PYHIN1: variants seen among roughly 807,000 people sequenced by gnomAD.
PYHIN1 encodes the protein pyrin and HIN domain-containing protein 1.
Under a neutral mutation model 43.7 loss-of-function variants are expected in PYHIN1, and 32 were observed. The ratio of observed to expected loss-of-function variants is 0.73; its 90% CI spans 0.55 to 0.98. The LOEUF (loss-of-function observed/expected upper bound fraction) is 0.98, where lower values mean the gene tolerates loss of function less well. PYHIN1 is among the 50% of genes least tolerant of loss of function. The pLI is 0.00. For synonymous variants in PYHIN1, 205 were observed against 203.1 expected, an observed-to-expected ratio of 1.01 and a Z score of -0.08; for missense variants, 588 against 589.5, an observed-to-expected ratio of 1.00 and a Z score of 0.03.
chr1:158,937,872 G>A (rs1571720182), intron 2 of PYHIN1, among the ~76,000 whole-genome samples: 1 of 151,646 alleles, frequency 6.6e-6, no homozygotes, highest in African/African-American at 2.4e-5. Context: ...GTGAACCCGA[G>A]AGGCGGAGCT....
At chr1:158,978,338 G>T (rs1315854795), downstream of PYHIN1, among the ~76,000 whole-genome samples, 1 of 151,606 alleles carries the variant, frequency 6.6e-6, no homozygotes, top group East Asian at 1.9e-4. Flanking sequence ...AATTTTGAAG[G>T]ATGTTTTGAA....
chr1:158,961,106 C>G (rs1021063013), intron 7 of PYHIN1, among the ~76,000 whole-genome samples: 15 of 152,114 alleles, frequency 9.9e-5, no homozygotes, highest in African/African-American at 3.6e-4. Flanking sequence ...TTACAGGGTA[C>G]TGGTTTTTAA....
the PYHIN1 span, among the ~76,000 whole-genome samples, chr1:158,985,325 G>T: frequency 9.7e-3 from 1,472 of 152,250 alleles, 25 homozygotes; most frequent in African/African-American, 0.033. Flanking sequence ...CTCCCTGAAG[G>T]ACCTCTTATA....
rs1233497854 is a variant in PYHIN1, at chr1:158,944,876, T to C, written c.1193T>C (p.Ile398Thr). Residue 398 changes from isoleucine (I) to threonine (T), a missense_variant and splice_region_variant, in exon 7 of 9, where the codon ATA (isoleucine) becomes ACA (threonine). Transcript: ENST00000368140. Reference protein sequence around the residue: ...LMSEMHSFIQIQKNTNQRSHD... With the variant: ...LMSEMHSFIQTQKNTNQRSHD... ...AAACAAAAAAATGAATACTTTCAGA[T>C]ACAGAAAAATACAAACCAGAGAAGC... 2.6e-6 allele frequency: 4 copies of C among 1,562,192 alleles called. No individual in the cohort carries two copies. Among genetic ancestry groups the C allele is most frequent in the African/African-American group, 2.8e-5 (2 of 72,336 alleles).
chr1:158,935,708 T>C (rs762210291), intron 1 of PYHIN1, among the ~76,000 whole-genome samples: 19 of 152,048 alleles, frequency 1.2e-4, no homozygotes, highest in Non-Finnish European at 1.9e-4. Flanking sequence ...GTTATTCATA[T>C]AAGGTGGGAG....
intron 8 of PYHIN1, among the ~76,000 whole-genome samples, chr1:158,975,334 C>G (rs1249845541): frequency 6.6e-6 from 1 of 151,968 alleles, no homozygotes; most frequent in Non-Finnish European, 1.5e-5. Flanking sequence ...TGTCATGACT[C>G]TCCTAAATCA....
At chr1:158,990,472 C>A in the PYHIN1 span, among the ~76,000 whole-genome samples, 2 of 151,916 alleles carry the variant, frequency 1.3e-5, no homozygotes, top group Non-Finnish European at 2.9e-5. Flanking sequence ...GTGGTTAAAT[C>A]TCTCTGATTA....
At chr1:158,972,410 T>C (rs1338569730) in intron 7 of PYHIN1, among the ~76,000 whole-genome samples, 1 of 152,022 alleles carries the variant, frequency 6.6e-6, no homozygotes, top group Non-Finnish European at 1.5e-5. Context: ...TTATTAAGTA[T>C]ATAATCAGAG....
intron 7 of PYHIN1, among the ~76,000 whole-genome samples, chr1:158,958,529 T>G (rs955734935): frequency 2.1e-5 from 3 of 144,780 alleles, no homozygotes; most frequent in Non-Finnish European, 4.5e-5. Flanking sequence ...CACTGCATAT[T>G]CTCACTCATA....
At chr1:158,975,449 T>C (rs2101742345) in intron 8 of PYHIN1, among the ~76,000 whole-genome samples, 1 of 152,222 alleles carries the variant, frequency 6.6e-6, no homozygotes, top group East Asian at 1.9e-4. Flanking sequence ...ACTACAACTT[T>C]ATCTGGGTTT....
chr1:158,938,338 C>T, intron 2 of PYHIN1, 59 bp from the exon 3 acceptor site: 1 of 1,575,898 alleles, frequency 6.3e-7, no homozygotes, highest in Admixed American at 1.7e-5. Flanking sequence ...ATTGAAACTG[C>T]TTCGGGTGTC....
chr1:158,986,876 T>C, the PYHIN1 span, among the ~76,000 whole-genome samples: 1 of 152,198 alleles, frequency 6.6e-6, no homozygotes, highest in Admixed American at 6.5e-5. Context: ...GTGGGAGTTA[T>C]GGGATCTCCT....
downstream of PYHIN1, among the ~76,000 whole-genome samples, chr1:158,980,281 T>C (rs1273305842): frequency 6.6e-6 from 1 of 152,120 alleles, no homozygotes; most frequent in Non-Finnish European, 1.5e-5. Context: ...ACTGTACAGA[T>C]TGATTGTAAA....
At chr1:158,977,638 G>A (rs1651341568), downstream of PYHIN1, among the ~76,000 whole-genome samples, 1 of 152,066 alleles carries the variant, frequency 6.6e-6, no homozygotes, top group Non-Finnish European at 1.5e-5. Flanking sequence ...AACTTACAAT[G>A]TATTTATGGA....
At chr1:158,987,745 T>G in the PYHIN1 span, among the ~76,000 whole-genome samples, 1 of 152,186 alleles carries the variant, frequency 6.6e-6, no homozygotes, top group African/African-American at 2.4e-5. Flanking sequence ...GTTTATTCAT[T>G]TGTATGTGAC....
intron 7 of PYHIN1, among the ~76,000 whole-genome samples, chr1:158,965,758 T>G (rs921344983): frequency 6.6e-6 from 1 of 152,278 alleles, no homozygotes. Context: ...GAGAGGTTTG[T>G]AGCACTAAGC....
chr1:158,975,124 A>G (rs1488661910), intron 8 of PYHIN1, among the ~76,000 whole-genome samples: 5 of 152,046 alleles, frequency 3.3e-5, no homozygotes, highest in South Asian at 4.1e-4. Flanking sequence ...CTTCTTTGAT[A>G]TCTAGCACTT....
At chr1:158,962,812 G>A (rs1650399973) in intron 7 of PYHIN1, among the ~76,000 whole-genome samples, 1 of 152,138 alleles carries the variant, frequency 6.6e-6, no homozygotes, top group Non-Finnish European at 1.5e-5. Context: ...CCCCACCCAT[G>A]GCTAAGCATA....
intron 8 of PYHIN1, among the ~76,000 whole-genome samples, chr1:158,975,439 A>G (rs1015108892): frequency 3.3e-5 from 5 of 152,096 alleles, no homozygotes; most frequent in African/African-American, 1.2e-4. Flanking sequence ...ATTCCCAATC[A>G]CTACAACTTT....
Sources: allele counts gnomAD v4.1 joint callset (sites outside exome capture counted in the v4.1 genomes callset), GRCh38; gene constraint gnomAD v4.1.1; transcripts MANE v1.5; gene names NCBI Gene and HGNC (gene_info 2026-07-23, HGNC 2026-07-21).